The following NSMCE4A variants were observed in gnomAD, a reference collection of about 807,000 sequenced individuals.
NSMCE4A encodes the protein non-structural maintenance of chromosomes element 4 homolog A.
A neutral mutation model predicts 47.9 loss-of-function variants in NSMCE4A; 40 were observed. The observed-to-expected ratio is 0.83, with a 90% CI of 0.65 to 1.09. The LOEUF is 1.09. Among genes scored for constraint, NSMCE4A ranks in the 50% least tolerant of loss-of-function variants. The pLI, the probability that NSMCE4A is intolerant of heterozygous loss-of-function variation, is 0.00. For synonymous variants in NSMCE4A, 166 were observed against 178.5 expected (o/e 0.93, Z 0.56); for missense variants, 500 against 507.0 (o/e 0.99, Z 0.13).
chr10:121,962,089 GAA>G (rs1952510479), intron 6 of NSMCE4A: 2 of 383,926 alleles, frequency 5.2e-6, no homozygotes, highest in Non-Finnish European at 1.0e-5. Flanking sequence ...CAGTCTGGGC[GAA>G]AGAGTGAGAC....
rs746731350 is a variant in NSMCE4A, at chr10:121,961,424, C to G, written c.938G>C (p.Arg313Pro). The stretch of plus-strand genomic sequence containing the variant: ...TAGAAAAATAATCTTTAATCTTACC[C>G]GTATAATGAAGGAAACATGAAAGAT... ...ENIFHVSFII[R>P]DGFARIRLDQ... The change falls in exon 7 of 11, where the codon CGG becomes CCG. Residue 313 changes from arginine to proline, a missense_variant and splice_region_variant. Coordinates refer to ENST00000369023, the MANE Select transcript of NSMCE4A (RefSeq NM_017615.3). 2.6e-6 allele frequency: 4 copies of G among 1,549,912 alleles called. No individual in the cohort carries two copies. The highest frequency in any genetic ancestry group is 4.5e-5 in the Admixed American group (2 of 44,272).
chr10:121,963,296 T>G lies in NSMCE4A; in HGVS notation c.786A>C (p.Ala262=), dbSNP rs1952536107. 1.9e-6 allele frequency: 3 copies of G among 1,611,386 alleles called. No individual in the cohort carries two copies. The highest frequency in any genetic ancestry group is 1.7e-6 in the Non-Finnish European group (2 of 1,178,266). Residue 262 remains alanine (A), a synonymous_variant, in exon 6 of 11, where the codon GCA becomes GCC. Transcript: ENST00000369023. ...LRRMEESHQE[A]TEKEVERILG... Reference sequence around the variant, plus strand: ...AGATTCTTTCTACTTCTTTCTCTGTTGCTTCTTGATGAGATTCTTCCATTC... The same window carrying G: ...AGATTCTTTCTACTTCTTTCTCTGTGGCTTCTTGATGAGATTCTTCCATTC...
chr10:121,959,594 C>A lies in NSMCE4A; in HGVS notation c.990G>T (p.Glu330Asp), dbSNP rs766911534. The A allele has an allele frequency of 3.1e-6, 5 of 1,611,198 alleles. No homozygotes were observed. In the South Asian group the frequency reaches 5.5e-5, roughly 18 times the overall value. ...RLDQDRLPVIEPVSINEENEG... is the reference protein window; with the variant it reads ...RLDQDRLPVIDPVSINEENEG... ...CATTTTCTTCATTAATACTAACAGGCTCTGTTTGAAAGACAAATTTTTCAA... is the reference window on the plus strand; with the variant it reads ...CATTTTCTTCATTAATACTAACAGGATCTGTTTGAAAGACAAATTTTTCAA... The change falls in exon 9 of 11, where the codon GAG (glutamate) becomes GAT (aspartate). Residue 330 changes from glutamate (E) to aspartate (D), a missense_variant and splice_region_variant. Glu to Asp is a conservative substitution (Grantham distance 45). Transcript: ENST00000369023.
At chr10:121,962,108 CTAA>C in intron 6 of NSMCE4A, 1 of 239,212 alleles carries the variant, frequency 4.2e-6, no homozygotes, top group Non-Finnish European at 7.7e-6. Flanking sequence ...AGACTGTCTC[CTAA>C]AAAAAAAAAA....
chr10:121,974,813 C>G (rs1952786577), intron 1 of NSMCE4A, 61 bp downstream of exon 1: 7 of 1,247,338 alleles, frequency 5.6e-6, no homozygotes, highest in Non-Finnish European at 7.0e-6. Context: ...CCCCCCGCGC[C>G]CGGCGCAGGG....
At position 121,957,667 on chromosome 10, in the gene NSMCE4A, G is replaced by A. The variant is rs148791000; in HGVS notation, c.*13-408C>T. ...GCCAGGATGGTCTCAATCTCCTGAC[G>A]TCGTGGTCCGCCTGCCTCGCCCTCC... On this transcript the variant is annotated intron_variant, in intron 10 of 10. Coordinates refer to ENST00000369023, the MANE Select transcript of NSMCE4A (RefSeq NM_017615.3). Among the ~76,000 whole-genome samples, 506 of 151,698 alleles carry A rather than the reference G, an allele frequency of 3.3e-3. 2 individuals carry two copies. The highest frequency in any genetic ancestry group is 0.011 in the African/African-American group (476 of 41,426).
intron 3 of NSMCE4A, among the ~76,000 whole-genome samples, chr10:121,970,131 T>G (rs1420690584): frequency 1.3e-5 from 2 of 152,034 alleles, no homozygotes; most frequent in African/African-American, 4.8e-5. Context: ...TAACCACTAT[T>G]CAAACTTGTC....
chr10:121,969,555 G>T (rs547972407), intron 3 of NSMCE4A, among the ~76,000 whole-genome samples: 2 of 149,300 alleles, frequency 1.3e-5, no homozygotes, highest in East Asian at 3.9e-4. Context: ...AAATAATCTG[G>T]TGCCTCATGC....
Position 121,975,171 on chromosome 10 carries a change from C to T in NSMCE4A, c.-6G>A. ...CCGCTGCTGTCCCCAGACATAGCGC[C>T]AATTCACCGTGCAACTTCGGAACGG... On this transcript the variant is annotated 5_prime_UTR_variant, in exon 1 of 11. Transcript: ENST00000369023. The T allele has an allele frequency of 1.5e-6, 2 of 1,372,074 alleles. No individual in the cohort carries two copies. Among genetic ancestry groups the T allele is most frequent in the Non-Finnish European group, 1.9e-6 (2 of 1,070,394 alleles). 85.0% of individuals were successfully genotyped at this position (1,372,074 alleles called of 1,614,324 possible).
At chr10:121,970,380 G>A (rs1952684083) in intron 3 of NSMCE4A, among the ~76,000 whole-genome samples, 1 of 150,222 alleles carries the variant, frequency 6.7e-6, no homozygotes, top group Non-Finnish European at 1.5e-5. Context: ...GCTGAGACAG[G>A]AGAATGGCGT....
At chr10:121,974,267 C>T (rs1952773322) in intron 1 of NSMCE4A, 186 bp from the exon 2 acceptor site, 1 of 1,408,360 alleles carries the variant, frequency 7.1e-7, no homozygotes, top group Non-Finnish European at 9.2e-7. Context: ...ACCCTTTATG[C>T]AGCATGAATT....
At chr10:121,972,916 A>AAAATGACTG (rs1565000245) in intron 2 of NSMCE4A, among the ~76,000 whole-genome samples, 4 of 152,116 alleles carry the variant, frequency 2.6e-5, no homozygotes, top group Non-Finnish European at 5.9e-5. Flanking sequence ...AGCAATGACT[A>AAAATGACTG]AAAATATACG....
Position 121,971,170 on chromosome 10 carries a change from T to TGA in NSMCE4A, c.371-102_371-101insTC, listed in dbSNP as rs375004378. Reference sequence around the variant, plus strand: ...TACTTACCAGGATTTCCCACTGGACTAAAAAAAAAAAAAAATCTCAATAGG... The same window carrying TGA: ...TACTTACCAGGATTTCCCACTGGACTGAAAAAAAAAAAAAAAATCTCAATAGG... On this transcript the variant is annotated intron_variant, in intron 2 of 10. Transcript: ENST00000369023. 9 of 672,092 alleles carry TGA rather than the reference T, an allele frequency of 1.3e-5. 1 individual carries two copies. In the Middle Eastern group the frequency reaches 1.5e-3, roughly 110 times the overall value. 41.6% of individuals were successfully genotyped at this position (672,092 alleles called of 1,614,324 possible).
chr10:121,973,832 T>C (rs1381265692), intron 2 of NSMCE4A, among the ~76,000 whole-genome samples, 172 bp downstream of exon 2: 1 of 152,218 alleles, frequency 6.6e-6, no homozygotes, highest in Non-Finnish European at 1.5e-5. Context: ...AAGCCCTTAT[T>C]ATATGGTAAG....
At chr10:121,966,607 C>T (rs1952611248) in intron 4 of NSMCE4A, 1 of 152,212 alleles carries the variant, frequency 6.6e-6, no homozygotes, top group Non-Finnish European at 1.5e-5. Context: ...CACACTACTA[C>T]ATTGGCATCT....
chr10:121,969,778 C>T (rs577821782), intron 3 of NSMCE4A, among the ~76,000 whole-genome samples: 21 of 152,266 alleles, frequency 1.4e-4, no homozygotes, highest in African/African-American at 2.2e-4. Flanking sequence ...TGCAGTGGCG[C>T]GATCTCGGCT....
rs776168324 is a variant in NSMCE4A at position 121,974,987 on chromosome 10, G to T, written c.179C>A (p.Pro60Gln). ...CATCATCTCGTCCCCGGAATCCGAC[G>T]GCTCTGTGTCCTCCAGGCTCGGGCG... ...PERPSLEDTE[P>Q]SDSGDEMMDP... is the part of the protein sequence containing the mutation. Residue 60 changes from proline (P) to glutamine (Q), a missense_variant, in exon 1 of 11, where the codon CCG becomes CAG. Physicochemically the swap from Pro to Gln is moderately conservative, Grantham distance 76 (BLOSUM62 -1). Transcript: ENST00000369023. 1.3e-6 allele frequency: 2 copies of T among 1,520,904 alleles called. No homozygotes were observed. Among genetic ancestry groups the T allele is most frequent in the East Asian group, 5.5e-5 (2 of 36,186 alleles). The allele number at this position is 1,520,904 out of a possible 1,614,324, so 94.2% of individuals were successfully genotyped here. A position where few individuals can be genotyped will look rare whatever the true frequency, so the allele number is the denominator to read the frequency against.
At chr10:121,972,413 T>G (rs1038422247) in intron 2 of NSMCE4A, among the ~76,000 whole-genome samples, 1 of 152,172 alleles carries the variant, frequency 6.6e-6, no homozygotes, top group Non-Finnish European at 1.5e-5. Context: ...CTTCTTTATC[T>G]CCCATGAGTA....
chr10:121,961,949 A>T (rs1952506512), intron 6 of NSMCE4A: 1 of 240,366 alleles, frequency 4.2e-6, no homozygotes, highest in Non-Finnish European at 8.3e-6. Flanking sequence ...CTAAAAATAC[A>T]GAAAAAAAAT....
Sources: allele counts gnomAD v4.1 joint callset (sites outside exome capture counted in the v4.1 genomes callset), GRCh38; gene constraint gnomAD v4.1.1; transcripts MANE v1.5; gene names NCBI Gene and HGNC (gene_info 2026-07-23, HGNC 2026-07-21).